IBSP: variants seen among roughly 807,000 people sequenced by gnomAD.
IBSP encodes integrin binding sialoprotein, also known as integrin-binding sialoprotein.
Under a neutral mutation model 25.5 loss-of-function variants are expected in IBSP, and 19 were observed. The ratio of observed to expected loss-of-function variants is 0.74; its 90% CI spans 0.52 to 1.09. The LOEUF (loss-of-function observed/expected upper bound fraction) is 1.09, where lower values mean the gene tolerates loss of function less well. IBSP is among the 50% of genes least tolerant of loss of function. The probability of loss-of-function intolerance (pLI) is 0.00; values close to 1 mark genes in which losing one functional copy is unlikely to be tolerated. For missense variants in IBSP, 360 were observed against 382.3 expected (o/e 0.94, Z 0.49); for synonymous variants, 144 against 137.6 (o/e 1.05, Z -0.33).
At chr4:87,806,493 A>C (rs904103711) in intron 5 of IBSP, among the ~76,000 whole-genome samples, 1 of 152,088 alleles carries the variant, frequency 6.6e-6, no homozygotes, top group African/African-American at 2.4e-5. Context: ...ATCTGATAAA[A>C]AGTAACAGAT....
intron 5 of IBSP, among the ~76,000 whole-genome samples, 155 bp from the exon 6 acceptor site, chr4:87,810,451 T>C (rs1287351702): frequency 6.6e-6 from 1 of 152,162 alleles, no homozygotes; most frequent in East Asian, 1.9e-4. Context: ...GAAGTGCAAA[T>C]GGCATAGGGG....
intron 4 of IBSP, 64 bp downstream of exon 4, chr4:87,802,795 T>G (rs1461366643): frequency 9.2e-7 from 1 of 1,090,684 alleles, no homozygotes; most frequent in African/African-American, 1.6e-5. Context: ...AGATCAAATT[T>G]TAACTATAAA....
chr4:87,802,527 G>T lies in IBSP; in HGVS notation c.74G>T (p.Arg25Ile). 1 of 1,606,268 alleles carries T rather than the reference G, an allele frequency of 6.2e-7. No homozygotes were observed. The highest frequency in any genetic ancestry group is 2.2e-5 in the East Asian group (1 of 44,692). Residue 25 changes from arginine to isoleucine, a missense_variant, in exon 3 of 7, where the codon AGA becomes ATA. Coordinates refer to ENST00000226284, the MANE Select transcript of IBSP (RefSeq NM_004967.4). ...AAACAGATGAAAAATTTGCATCGAA[G>T]AGTCAAAATAGAGGATTCTGAAGAA... ...CAFSMKNLHR[R>I]VKIEDSEENG...
intron 5 of IBSP, among the ~76,000 whole-genome samples, chr4:87,807,680 G>A (rs1406631510): frequency 6.6e-6 from 1 of 152,192 alleles, no homozygotes; most frequent in Non-Finnish European, 1.5e-5. Context: ...GTTGAGGACT[G>A]AGGAAGACTA....
At position 87,802,662 on chromosome 4, in the gene IBSP, G is replaced by T; in HGVS notation, c.114G>T (p.Lys38Asn). 1 of 1,574,804 alleles carries T rather than the reference G, an allele frequency of 6.3e-7. No homozygotes were observed. Among genetic ancestry groups the T allele is most frequent in the African/African-American group, 1.4e-5 (1 of 72,764 alleles). The stretch of plus-strand genomic sequence containing the variant: ...TTATTTTGTTTTTGCAGGTCTTTAA[G>T]TACAGGCCACGATATTATCTTTACA... Reference protein sequence around the residue: ...IEDSEENGVFKYRPRYYLYKH... With the variant: ...IEDSEENGVFNYRPRYYLYKH... The change falls in exon 4 of 7, where the codon AAG (lysine) becomes AAT (asparagine). Residue 38 changes from lysine (K) to asparagine (N), a missense_variant. Coordinates refer to ENST00000226284, the MANE Select transcript of IBSP (RefSeq NM_004967.4).
intron 4 of IBSP, among the ~76,000 whole-genome samples, chr4:87,804,941 G>A (rs540406240): frequency 5.9e-5 from 9 of 152,078 alleles, no homozygotes; most frequent in East Asian, 1.9e-4. Context: ...AATAGAAATC[G>A]TCCAAATATA....
chr4:87,804,345 T>G (rs1296207249), intron 4 of IBSP, among the ~76,000 whole-genome samples: 2 of 152,184 alleles, frequency 1.3e-5, no homozygotes, highest in East Asian at 3.8e-4. Context: ...AATCTGCATT[T>G]ATATACAATC....
rs1455704985 is a variant in IBSP at position 87,811,346 on chromosome 4, A to G, written c.406-16A>G. 17 of 1,579,770 alleles carry G rather than the reference A, an allele frequency of 1.1e-5. No homozygotes were observed. Among genetic ancestry groups the G allele is most frequent in the Non-Finnish European group, 1.5e-5 (17 of 1,167,182 alleles). On this transcript the variant is annotated splice_polypyrimidine_tract_variant and intron_variant, in intron 6 of 6. Transcript: ENST00000226284. Reference sequence around the variant, plus strand: ...TTCACAGCTAGATTTGGGTTCTTTCAAACGTTTCCTTACAGGCTGGGGATA... The same window carrying G: ...TTCACAGCTAGATTTGGGTTCTTTCGAACGTTTCCTTACAGGCTGGGGATA...
chr4:87,808,460 A>T (rs988096139), intron 5 of IBSP, among the ~76,000 whole-genome samples: 3 of 152,092 alleles, frequency 2.0e-5, no homozygotes, highest in Admixed American at 1.3e-4. Context: ...GGATTACAGG[A>T]GTGAGCCACC....
intron 4 of IBSP, among the ~76,000 whole-genome samples, chr4:87,804,821 G>A (rs1722068450): frequency 6.6e-6 from 1 of 152,202 alleles, no homozygotes; most frequent in Non-Finnish European, 1.5e-5. Context: ...GGTTGAGCTA[G>A]GGAGAAAGCC....
chr4:87,806,903 G>T (rs1722096667), intron 5 of IBSP, among the ~76,000 whole-genome samples: 1 of 151,990 alleles, frequency 6.6e-6, no homozygotes. Context: ...CACTCGGGAA[G>T]CTGAGACATG....
intron 5 of IBSP, 127 bp from the exon 6 acceptor site, chr4:87,810,479 A>G: frequency 1.4e-6 from 1 of 697,180 alleles, no homozygotes; most frequent in Admixed American, 2.6e-5. Flanking sequence ...GCTTTGAGTG[A>G]TCAGCCAGCT....
At chr4:87,809,276 T>A (rs1259061191) in intron 5 of IBSP, among the ~76,000 whole-genome samples, 1 of 152,148 alleles carries the variant, frequency 6.6e-6, no homozygotes, top group Non-Finnish European at 1.5e-5. Flanking sequence ...AAATAAAGTA[T>A]CTGGGAAAAG....
At chr4:87,802,832 T>G (rs757380437) in intron 4 of IBSP, 101 bp downstream of exon 4, 9 of 761,892 alleles carry the variant, frequency 1.2e-5, no homozygotes, top group South Asian at 5.1e-5. Context: ...CTCACTGAAA[T>G]TCAGTCAAAA....
rs536420647 is a variant in IBSP, at chr4:87,803,848, C to T, written c.183+1117C>T. ...TAAACAGTGCTCATTTGAAAGTTTG[C>T]TTTGTTCTCTTTTTTAAACTAAATG... On this transcript the variant is annotated intron_variant, in intron 4 of 6. Transcript: ENST00000226284. Among the ~76,000 whole-genome samples the T allele has an allele frequency of 2.3e-3, 357 of 152,186 alleles. 3 individuals are homozygous for T. The highest frequency in any genetic ancestry group is 8.4e-3 in the African/African-American group (348 of 41,524).
intron 5 of IBSP, 106 bp downstream of exon 5, chr4:87,806,290 C>T (rs1187652482): frequency 2.5e-6 from 2 of 796,052 alleles, no homozygotes; most frequent in Admixed American, 2.7e-5. Context: ...TGTCACTTTA[C>T]TAACTGCCCA....
At position 87,811,488 on chromosome 4, in the gene IBSP, G is replaced by A. The variant is rs1252338674; in HGVS notation, c.532G>A (p.Gly178Ser). The A allele has an allele frequency of 6.2e-7, 1 of 1,613,756 alleles. No homozygotes were observed. Among genetic ancestry groups the A allele is most frequent in the African/African-American group, 1.3e-5 (1 of 74,838 alleles). Residue 178 changes from glycine (G) to serine (S), a missense_variant, in exon 7 of 7, where the codon GGC becomes AGC. Physicochemically the swap from Gly to Ser is moderately conservative, Grantham distance 56. Transcript: ENST00000226284. ...EVDENEQGIN[G>S]TSTNSTEAEN... is the part of the protein sequence containing the mutation. ...GGATGAAAACGAACAAGGCATAAACGGCACCAGTACCAACAGCACAGAGGC... is the reference window on the plus strand; with the variant it reads ...GGATGAAAACGAACAAGGCATAAACAGCACCAGTACCAACAGCACAGAGGC...
intron 5 of IBSP, among the ~76,000 whole-genome samples, chr4:87,810,363 T>C (rs898304325): frequency 1.3e-5 from 2 of 152,148 alleles, no homozygotes; most frequent in African/African-American, 4.8e-5. Context: ...ATTGATAAAA[T>C]ACAAAGCAGA....
intron 5 of IBSP, among the ~76,000 whole-genome samples, chr4:87,807,445 G>A (rs1164113798): frequency 1.3e-5 from 2 of 151,990 alleles, no homozygotes; most frequent in Non-Finnish European, 2.9e-5. Flanking sequence ...TTGAAGGAAG[G>A]CCTTACAAGA....
Sources: gnomAD v4.1 joint callset for allele counts (sites outside exome capture counted in the v4.1 genomes callset) on GRCh38, gnomAD v4.1.1 for gene constraint, MANE v1.5 for transcripts, NCBI Gene and HGNC (gene_info 2026-07-23, HGNC 2026-07-21) for gene names.